Variants in ARHGAP6 observed in about 807,000 individuals in gnomAD.
ARHGAP6 encodes Rho GTPase activating protein 6.
A neutral mutation model predicts 55.7 loss-of-function variants in ARHGAP6; 16 were observed. The observed-to-expected ratio is 0.29, with a 90% CI of 0.19 to 0.44. ARHGAP6 has a LOEUF of 0.44. ARHGAP6 is among the 20% of genes least tolerant of loss of function. ARHGAP6 has a pLI of 1.00. For missense variants in ARHGAP6, 698 were observed against 808.9 expected (o/e 0.86, Z 1.66); for synonymous variants, 382 against 360.9 (o/e 1.06, Z -0.66).
At chrX:11,143,895 G>A (rs746220531) in intron 11 of ARHGAP6, 85 bp downstream of exon 11, 1 of 1,203,206 alleles carries the variant, frequency 8.3e-7, no homozygotes, top group Admixed American at 2.3e-5. Context: ...CGAAGAGAAG[G>A]TCCGAAGAGC....
intron 1 of ARHGAP6, chrX:11,265,890 C>T (rs748078812): frequency 1.8e-5 from 17 of 952,099 alleles, no homozygotes; most frequent in East Asian, 8.5e-5. Flanking sequence ...CAGAGACCTC[C>T]GCTACTGTGA....
intron 2 of ARHGAP6, among the ~76,000 whole-genome samples, chrX:11,218,274 T>C (rs1466131018): frequency 1.3e-4 from 15 of 112,172 alleles, no homozygotes; most frequent in African/African-American, 4.8e-4. Flanking sequence ...TTGATGGGGA[T>C]AGCATTGAAT....
At chrX:11,195,959 C>CAAAAAAAAAA (rs1024986729) in intron 3 of ARHGAP6, among the ~76,000 whole-genome samples, 1 of 8,414 alleles carries the variant, frequency 1.2e-4, no homozygotes, top group Non-Finnish European at 2.5e-4. Flanking sequence ...ACTAAAAATA[C>CAAAAAAAAAA]AAAAAAAAAA....
At chrX:11,521,565 A>G (rs962388349) in intron 1 of ARHGAP6, among the ~76,000 whole-genome samples, 4 of 111,651 alleles carry the variant, frequency 3.6e-5, no homozygotes, top group Non-Finnish European at 5.6e-5. Flanking sequence ...CTGTAGCCTT[A>G]TAGTGTAGTT....
chrX:11,250,250 T>C (rs991894921), intron 2 of ARHGAP6, among the ~76,000 whole-genome samples: 10 of 112,221 alleles, frequency 8.9e-5, no homozygotes, highest in African/African-American at 3.2e-4. Context: ...ATTCTGTTGG[T>C]ACTTTATTTT....
chrX:11,469,760 C>T (rs955636691), intron 1 of ARHGAP6, among the ~76,000 whole-genome samples: 22 of 111,306 alleles, frequency 2.0e-4, no homozygotes, highest in African/African-American at 7.2e-4. Flanking sequence ...AAAAGCCTAT[C>T]CCAATGTCAT....
chrX:11,469,322 T>C (rs1603222433), intron 1 of ARHGAP6, among the ~76,000 whole-genome samples: 2 of 112,788 alleles, frequency 1.8e-5, no homozygotes, highest in South Asian at 7.2e-4. Context: ...TTTAAGGCAA[T>C]TCTATTTCTA....
At chrX:11,587,005 T>C (rs143261911) in intron 1 of ARHGAP6, among the ~76,000 whole-genome samples, 5 of 112,005 alleles carry the variant, frequency 4.5e-5, no homozygotes, top group Admixed American at 9.5e-5. Context: ...ATGCTAGTGA[T>C]TTTTATACGT....
chrX:11,188,043 GAT>G (rs2046408340), intron 4 of ARHGAP6, among the ~76,000 whole-genome samples: 1 of 110,842 alleles, frequency 9.0e-6, no homozygotes, highest in South Asian at 3.9e-4. Context: ...AAAAATAAAA[GAT>G]AAAAATAAAA....
intron 1 of ARHGAP6, among the ~76,000 whole-genome samples, chrX:11,402,788 A>G (rs1256751623): frequency 1.8e-5 from 2 of 112,025 alleles, no homozygotes; most frequent in South Asian, 7.4e-4. Context: ...ATAATTGAGC[A>G]TCAGTTGTGG....
At chrX:11,160,859 G>A (rs185188973) in intron 9 of ARHGAP6, among the ~76,000 whole-genome samples, 141 of 111,760 alleles carry the variant, frequency 1.3e-3, no homozygotes, top group African/African-American at 3.7e-3. Context: ...TTTTGGCTTG[G>A]AGACACTATT....
At chrX:11,190,460 G>GATATATATTTATAT (rs1569248556) in intron 3 of ARHGAP6, among the ~76,000 whole-genome samples, 14 of 76,972 alleles carry the variant, frequency 1.8e-4, no homozygotes, top group Non-Finnish European at 2.5e-4. Context: ...ACCCTGAGGA[G>GATATATATTTATAT]ATATATATAT....
At chrX:11,618,872 G>A (rs1054983632) in intron 1 of ARHGAP6, among the ~76,000 whole-genome samples, 2 of 111,210 alleles carry the variant, frequency 1.8e-5, no homozygotes, top group Non-Finnish European at 3.8e-5. Flanking sequence ...GTCACTGTAT[G>A]TCCCTCTACC....
intron 1 of ARHGAP6, among the ~76,000 whole-genome samples, chrX:11,532,468 T>C (rs1053481328): frequency 7.1e-5 from 8 of 112,358 alleles, no homozygotes; most frequent in African/African-American, 2.6e-4. Flanking sequence ...TTCTGGCCAA[T>C]GGGATGGTGC....
At chrX:11,372,735 G>C (rs2049157165) in intron 1 of ARHGAP6, among the ~76,000 whole-genome samples, 1 of 84,132 alleles carries the variant, frequency 1.2e-5, no homozygotes, top group Middle Eastern at 8.2e-3. Context: ...TCGCGCCACT[G>C]TACTGCAGCC....
intron 1 of ARHGAP6, among the ~76,000 whole-genome samples, chrX:11,426,219 T>G (rs1485289687): frequency 2.7e-5 from 3 of 111,451 alleles, no homozygotes; most frequent in Non-Finnish European, 5.7e-5. Flanking sequence ...GAAAGCGAAG[T>G]GTACGAGGTG....
chrX:11,154,113 C>T (rs751030031), intron 10 of ARHGAP6, among the ~76,000 whole-genome samples: 2 of 109,504 alleles, frequency 1.8e-5, no homozygotes, highest in Admixed American at 2.0e-4. Context: ...TGGTTTCCAG[C>T]TTCATCCATG....
At chrX:11,370,860 T>C (rs900409959) in intron 1 of ARHGAP6, among the ~76,000 whole-genome samples, 1 of 110,828 alleles carries the variant, frequency 9.0e-6, no homozygotes, top group African/African-American at 3.3e-5. Context: ...TTCTTGACAC[T>C]TACATGGCAG....
At chrX:11,358,375 G>A (rs1468924894) in intron 1 of ARHGAP6, among the ~76,000 whole-genome samples, 1 of 110,871 alleles carries the variant, frequency 9.0e-6, no homozygotes, top group Non-Finnish European at 1.9e-5. Context: ...TTTCTCTTAG[G>A]TAGATAACCA....
Sources: allele counts gnomAD v4.1 joint callset (sites outside exome capture counted in the v4.1 genomes callset), GRCh38; gene constraint gnomAD v4.1.1; transcripts MANE v1.5; gene names NCBI Gene and HGNC (gene_info 2026-07-23, HGNC 2026-07-21).